The following HPS4 variants were observed in gnomAD, a reference collection of about 807,000 sequenced individuals.
HPS4 encodes BLOC-3 complex member HPS4.
HPS4 carries 44 observed loss-of-function variants against 70.3 expected under a neutral mutation model. The observed-to-expected ratio is 0.63, with a 90% confidence interval of 0.49 to 0.80. The LOEUF (loss-of-function observed/expected upper bound fraction) is 0.80. HPS4 is among the 30% of genes least tolerant of loss of function. The pLI, the probability that HPS4 is intolerant of heterozygous loss-of-function variation, is 0.00. For missense variants in HPS4, 873 were observed against 884.4 expected (o/e 0.99, Z 0.16); for synonymous variants, 377 against 355.9 (o/e 1.06, Z -0.67).
chr22:26,461,763 C>T (rs1023500641), intron 11 of HPS4, among the ~76,000 whole-genome samples: 2 of 152,150 alleles, frequency 1.3e-5, no homozygotes, highest in African/African-American at 4.8e-5. Flanking sequence ...AACAGAAATC[C>T]TTTGGGTCTG....
At position 26,453,145 on chromosome 22, in the gene HPS4, AAAAAT is replaced by A; in HGVS notation, c.*83_*87del. On this transcript the variant is annotated 3_prime_UTR_variant, in exon 14 of 14. Transcript: ENST00000398145. ...TCCTAAAAAAGGGAATGTTTTCAAG[AAAAAT>A]AAAATAGAGGGGCCTTTTCAATTAT... 1 of 1,344,874 alleles carries A rather than the reference AAAAAT, an allele frequency of 7.4e-7. No homozygotes were observed. Among genetic ancestry groups the A allele is most frequent in the Non-Finnish European group, 1.0e-6 (1 of 959,472 alleles). 83.3% of individuals were successfully genotyped at this position (1,344,874 alleles called of 1,614,324 possible). A position where few individuals can be genotyped will look rare whatever the true frequency, so the allele number is the denominator to read the frequency against.
intron 11 of HPS4, 45 bp downstream of exon 11, chr22:26,463,872 C>A (rs755055492): frequency 1.3e-6 from 2 of 1,592,370 alleles, no homozygotes; most frequent in South Asian, 1.1e-5. Flanking sequence ...CACAGGAGAT[C>A]GGCAGAGGCC....
Position 26,479,271 on chromosome 22 carries a change from A to G in HPS4, c.126T>C (p.Pro42=). 1.2e-6 allele frequency: 2 copies of G among 1,614,180 alleles called. No homozygotes were observed. The highest frequency in any genetic ancestry group is 1.1e-5 in the South Asian group (1 of 91,076). ...PTRAGICYFY[P]SQTLLDQQEL... Reference sequence around the variant, plus strand: ...AAAATGCTGTGTGGCTTACCTGGGAAGGATAAAAGTAACAAATGCCAGCTC... The same window carrying G: ...AAAATGCTGTGTGGCTTACCTGGGAGGGATAAAAGTAACAAATGCCAGCTC... Residue 42 remains proline (P), a synonymous_variant, in exon 3 of 14, where the codon CCT becomes CCC. Coordinates refer to ENST00000398145, the MANE Select transcript of HPS4 (RefSeq NM_022081.6).
intron 4 of HPS4, among the ~76,000 whole-genome samples, chr22:26,474,320 T>A (rs2090238622): frequency 6.7e-6 from 1 of 150,208 alleles, no homozygotes; most frequent in African/African-American, 2.5e-5. Flanking sequence ...CAAAGGGAAA[T>A]CCAATAGGGA....
At chr22:26,479,228 G>A in intron 3 of HPS4, 37 bp downstream of exon 3, 1 of 1,609,870 alleles carries the variant, frequency 6.2e-7, no homozygotes, top group Non-Finnish European at 8.5e-7. Flanking sequence ...GGAGGCACTG[G>A]GATCCTCACT....
chr22:26,477,230 A>G (rs145736268), intron 3 of HPS4, 94 bp from the exon 4 acceptor site: 1 of 1,338,290 alleles, frequency 7.5e-7, no homozygotes, highest in African/African-American at 1.4e-5. Flanking sequence ...AGCCAAATCC[A>G]GTCTGTTACC....
At chr22:26,481,490 T>C (rs1389227896) in intron 2 of HPS4, among the ~76,000 whole-genome samples, 1 of 152,172 alleles carries the variant, frequency 6.6e-6, no homozygotes, top group African/African-American at 2.4e-5. Flanking sequence ...TTTTCTACAA[T>C]CTCCCAGCAA....
chr22:26,447,723 T>C (rs2085001782), downstream of HPS4, among the ~76,000 whole-genome samples: 1 of 152,136 alleles, frequency 6.6e-6, no homozygotes, highest in Admixed American at 6.5e-5. Context: ...TTAGAACTGC[T>C]GACAGATGGC....
chr22:26,478,451 G>A (rs905664365), intron 3 of HPS4, among the ~76,000 whole-genome samples: 2 of 151,476 alleles, frequency 1.3e-5, no homozygotes, highest in African/African-American at 2.4e-5. Flanking sequence ...GGCGACTGTA[G>A]TCCCAACTAC....
exon 4 of HPS4, chr22:26,444,257 C>A (rs1568987194): frequency 6.6e-6 from 1 of 150,416 alleles, no homozygotes; most frequent in Non-Finnish European, 1.5e-5. Flanking sequence ...TTTGTCTGTA[C>A]ATAAATGTTC....
Position 26,483,097 on chromosome 22 carries a change from C to CT in HPS4, c.-479+576dup, listed in dbSNP as rs2091458457. On this transcript the variant is annotated intron_variant, in intron 1 of 13. Transcript: ENST00000398145. ...GAATATTTGACGGCCTGTAAAATCT[C>CT]TATCTCTTCTCAGCTCTAGATATTT... 3.9e-5 allele frequency among the ~76,000 whole-genome samples: 6 copies of CT among 152,196 alleles called. No individual in the cohort carries two copies. The South Asian group carries it at 1.0e-3, about 26-fold the overall frequency.
chr22:26,458,855 T>C (rs2086710816), intron 11 of HPS4, among the ~76,000 whole-genome samples: 1 of 151,982 alleles, frequency 6.6e-6, no homozygotes, highest in African/African-American at 2.4e-5. Context: ...ATGGAGTATC[T>C]TACTGCCTAC....
chr22:26,463,527 G>C (rs973230528), intron 11 of HPS4, among the ~76,000 whole-genome samples: 1 of 152,210 alleles, frequency 6.6e-6, no homozygotes, highest in Non-Finnish European at 1.5e-5. Context: ...CCATCCCTAC[G>C]TGACTGAGGA....
At chr22:26,444,138 G>C (rs556584264), downstream of HPS4, 6 of 152,322 alleles carry the variant, frequency 3.9e-5, no homozygotes, top group East Asian at 9.6e-4. Flanking sequence ...CGCTCACCCA[G>C]CGACATTTGG....
At chr22:26,460,451 TG>T (rs1345204251) in intron 11 of HPS4, among the ~76,000 whole-genome samples, 3 of 152,260 alleles carry the variant, frequency 2.0e-5, no homozygotes, top group Admixed American at 6.5e-5. Context: ...ACAGCCTCAC[TG>T]AAAGTTTTTG....
chr22:26,448,599 G>A (rs921741596), downstream of HPS4, among the ~76,000 whole-genome samples: 1 of 152,164 alleles, frequency 6.6e-6, no homozygotes, highest in Non-Finnish European at 1.5e-5. Flanking sequence ...GGGGAGAAGG[G>A]TTGCAACTTT....
chr22:26,450,229 C>A (rs572036253), downstream of HPS4, among the ~76,000 whole-genome samples: 5 of 152,318 alleles, frequency 3.3e-5, no homozygotes, highest in African/African-American at 1.2e-4. Context: ...TTGGGGGCCA[C>A]CATTCAGCTC....
At chr22:26,455,588 G>A (rs577967019) in intron 13 of HPS4, among the ~76,000 whole-genome samples, 1 of 98,050 alleles carries the variant, frequency 1.0e-5, no homozygotes, top group Non-Finnish European at 1.9e-5. Flanking sequence ...GTTGTAGGGT[G>A]GGGGGAGGGG....
At chr22:26,479,675 A>G (rs2091060324) in intron 2 of HPS4, 1 of 1,186,776 alleles carries the variant, frequency 8.4e-7, no homozygotes, top group Non-Finnish European at 1.0e-6. Flanking sequence ...ATACAACCAC[A>G]TGGTCTGATA....
Sources: allele counts gnomAD v4.1 joint callset (sites outside exome capture counted in the v4.1 genomes callset), GRCh38; gene constraint gnomAD v4.1.1; transcripts MANE v1.5; gene names NCBI Gene and HGNC (gene_info 2026-07-23, HGNC 2026-07-21).